The following SLC24A3 variants were observed in gnomAD, a reference collection of about 807,000 sequenced individuals.
SLC24A3 encodes the protein solute carrier family 24 member 3.
A neutral mutation model predicts 75.8 loss-of-function variants in SLC24A3; 28 were observed. The ratio of observed to expected loss-of-function variants is 0.37; its 90% CI spans 0.27 to 0.51. SLC24A3 has a LOEUF of 0.51. Ranked by LOEUF, SLC24A3 falls within the 20% of genes least tolerant of loss-of-function variation. The pLI, the probability that SLC24A3 is intolerant of heterozygous loss-of-function variation, is 0.94. For missense variants in SLC24A3, 663 were observed against 847.8 expected (o/e 0.78, Z 2.71); for synonymous variants, 372 against 334.1 (o/e 1.11, Z -1.24).
At chr20:19,597,170 C>G (rs370507686) in intron 6 of SLC24A3, among the ~76,000 whole-genome samples, 5 of 130,742 alleles carry the variant, frequency 3.8e-5, no homozygotes, top group African/African-American at 1.6e-4. Flanking sequence ...ATTGCTTGAG[C>G]CTAGGAGTTC....
chr20:19,262,300 G>A (rs569295179), intron 1 of SLC24A3, among the ~76,000 whole-genome samples: 140 of 151,278 alleles, frequency 9.3e-4, no homozygotes, highest in African/African-American at 3.3e-3. Flanking sequence ...AGCTACGCGG[G>A]AGGCTGAGGC....
At chr20:19,546,785 AC>A (rs5840849) in intron 3 of SLC24A3, among the ~76,000 whole-genome samples, 133,375 of 152,106 alleles carry the variant, frequency 0.88, 58,653 homozygotes, top group Middle Eastern at 0.92. Context: ...CACTGCAGTC[AC>A]CCTGCCTCCA....
intron 2 of SLC24A3, among the ~76,000 whole-genome samples, chr20:19,355,860 A>G (rs943469574): frequency 6.6e-6 from 1 of 152,210 alleles, no homozygotes; most frequent in Non-Finnish European, 1.5e-5. Flanking sequence ...CGTTGATGAT[A>G]AAGTCATGGA....
intron 1 of SLC24A3, among the ~76,000 whole-genome samples, chr20:19,272,939 T>G (rs1028832553): frequency 1.3e-5 from 2 of 152,038 alleles, no homozygotes; most frequent in African/African-American, 4.8e-5. Flanking sequence ...GTGAAGGAAG[T>G]CCTGGAGGGT....
intron 6 of SLC24A3, among the ~76,000 whole-genome samples, chr20:19,609,163 T>C (rs183011129): frequency 6.6e-6 from 1 of 152,304 alleles, no homozygotes; most frequent in African/African-American, 2.4e-5. Context: ...CTCTTGAATG[T>C]TTTTCCCCAA....
At chr20:19,615,356 T>A (rs962487231) in intron 6 of SLC24A3, among the ~76,000 whole-genome samples, 4 of 152,216 alleles carry the variant, frequency 2.6e-5, no homozygotes, top group Non-Finnish European at 5.9e-5. Flanking sequence ...TAGCTGAGAC[T>A]GGGTAATTTA....
chr20:19,359,514 G>A (rs1985749095), intron 2 of SLC24A3, among the ~76,000 whole-genome samples: 1 of 152,090 alleles, frequency 6.6e-6, no homozygotes, highest in East Asian at 1.9e-4. Context: ...ATGGGAGGTG[G>A]GTAAAGTCAG....
In SLC24A3 at chr20:19,619,219, ATTATGGCT is replaced by A. The variant is rs1388033857; in HGVS notation, c.612+33678_612+33685del. On this transcript the variant is annotated intron_variant, in intron 6 of 16. Coordinates refer to ENST00000328041, the MANE Select transcript of SLC24A3 (RefSeq NM_020689.4). ...GCTCCCAGGCTAGGTCAGAAAAAGCATTATGGCTTTCTCCTTGGTTTGCTCTCTCTCTT... is the reference window on the plus strand; with the variant it reads ...GCTCCCAGGCTAGGTCAGAAAAAGCATTCTCCTTGGTTTGCTCTCTCTCTT... Among the ~76,000 whole-genome samples the A allele has an allele frequency of 7.2e-5, 11 of 152,282 alleles. No homozygotes were observed. The East Asian group carries it at 2.1e-3, about 29-fold the overall frequency.
chr20:19,718,686 TG>T (rs1181190581), intron 16 of SLC24A3, among the ~76,000 whole-genome samples: 3 of 152,198 alleles, frequency 2.0e-5, no homozygotes, highest in Non-Finnish European at 2.9e-5. Flanking sequence ...CTAACTGGGC[TG>T]TCAAAATGAG....
intron 2 of SLC24A3, among the ~76,000 whole-genome samples, chr20:19,294,485 A>C (rs577985801): frequency 6.6e-6 from 1 of 151,736 alleles, no homozygotes; most frequent in Non-Finnish European, 1.5e-5. Context: ...CCCCGTTTCC[A>C]TGTGTTCTCA....
Position 19,580,087 on chromosome 20 carries a change from C to T in SLC24A3, c.423+13C>T, listed in dbSNP as rs116475748. ...AAAGATCTGTGAGGTACGTGCCTCA[C>T]ATTCTTGGTATGTGTGAGCCAGACT... On this transcript the variant is annotated intron_variant, in intron 4 of 16. Coordinates refer to ENST00000328041, the MANE Select transcript of SLC24A3 (RefSeq NM_020689.4). The T allele has an allele frequency of 4.5e-4, 719 of 1,611,052 alleles. 4 individuals carry two copies. The African/African-American group carries it at 8.7e-3, about 19-fold the overall frequency.
At chr20:19,469,796 A>C (rs1987835647) in intron 2 of SLC24A3, among the ~76,000 whole-genome samples, 1 of 152,114 alleles carries the variant, frequency 6.6e-6, no homozygotes, top group Admixed American at 6.5e-5. Flanking sequence ...TTTGGGAAAA[A>C]CTAGCAAGCA....
intron 2 of SLC24A3, among the ~76,000 whole-genome samples, chr20:19,327,841 T>A (rs572167185): frequency 6.6e-6 from 1 of 152,336 alleles, no homozygotes; most frequent in African/African-American, 2.4e-5. Flanking sequence ...TCACTCATTA[T>A]GTGTTCTGGA....
At chr20:19,488,891 T>A (rs1365235949) in intron 2 of SLC24A3, among the ~76,000 whole-genome samples, 4 of 152,178 alleles carry the variant, frequency 2.6e-5, no homozygotes, top group Admixed American at 2.6e-4. Flanking sequence ...AGTGTCACTG[T>A]CTCAGCCCAC....
intron 2 of SLC24A3, among the ~76,000 whole-genome samples, chr20:19,477,524 C>T (rs568521823): frequency 6.6e-6 from 1 of 152,326 alleles, no homozygotes; most frequent in Non-Finnish European, 1.5e-5. Context: ...TTCTCTTCCA[C>T]AGTGTAAGTG....
chr20:19,639,224 G>C (rs141396362), intron 6 of SLC24A3, among the ~76,000 whole-genome samples: 6,661 of 152,230 alleles, frequency 0.044, 513 homozygotes, highest in African/African-American at 0.15. Context: ...CCCCACCAGA[G>C]TAGCTAGATA....
At chr20:19,287,541 C>G (rs969795437) in intron 2 of SLC24A3, among the ~76,000 whole-genome samples, 3 of 152,180 alleles carry the variant, frequency 2.0e-5, no homozygotes, top group African/African-American at 7.2e-5. Flanking sequence ...TTTTCAAAAG[C>G]CAAATACCAC....
At chr20:19,450,410 A>G (rs1384012751) in intron 2 of SLC24A3, among the ~76,000 whole-genome samples, 1 of 152,094 alleles carries the variant, frequency 6.6e-6, no homozygotes, top group East Asian at 1.9e-4. Context: ...AGACACTGTG[A>G]TATTTACTGT....
chr20:19,684,035 G>A lies in SLC24A3; in HGVS notation c.902-141G>A, dbSNP rs1331767682. 1.8e-5 allele frequency: 16 copies of A among 881,124 alleles called. No homozygotes were observed. The South Asian group carries it at 2.1e-4, about 12-fold the overall frequency. 54.6% of individuals were successfully genotyped at this position (881,124 alleles called of 1,614,324 possible). ...AAGGAAGAAATAAGGAAAGAAGAGT[G>A]GATGAGTGGATAGATGGATGGGTGA... is the stretch of plus-strand genomic sequence containing the variant. On this transcript the variant is annotated intron_variant, in intron 10 of 16. Coordinates refer to ENST00000328041, the MANE Select transcript of SLC24A3 (RefSeq NM_020689.4).
Sources: gnomAD v4.1 joint callset for allele counts (sites outside exome capture counted in the v4.1 genomes callset) on GRCh38, gnomAD v4.1.1 for gene constraint, MANE v1.5 for transcripts, NCBI Gene and HGNC (gene_info 2026-07-23, HGNC 2026-07-21) for gene names.